ADAMTS14: variants seen among roughly 807,000 people sequenced by gnomAD.
ADAMTS14 encodes the protein ADAM metallopeptidase with thrombospondin type 1 motif 14.
In ADAMTS14, 100 loss-of-function variants were observed where a neutral mutation model predicts 128.6. That is an observed-to-expected ratio of 0.78 (90% confidence interval 0.66 to 0.92). The LOEUF (loss-of-function observed/expected upper bound fraction) is 0.92. Among genes scored for constraint, ADAMTS14 ranks in the 40% least tolerant of loss-of-function variants. The pLI, the probability that ADAMTS14 is intolerant of heterozygous loss-of-function variation, is 0.00. For synonymous variants in ADAMTS14, 665 were observed against 653.8 expected (o/e 1.02, Z -0.26); for missense variants, 1,562 against 1,658.6 (o/e 0.94, Z 1.01).
At chr10:70,729,962 G>A in intron 5 of ADAMTS14, 140 bp from the exon 6 acceptor site, 1 of 976,486 alleles carries the variant, frequency 1.0e-6, no homozygotes, top group Non-Finnish European at 1.5e-6. Context: ...CAGTTGAGTG[G>A]GGACAGCTGG....
At chr10:70,757,646 A>G (rs1053795923) in intron 19 of ADAMTS14, among the ~76,000 whole-genome samples, 2 of 152,194 alleles carry the variant, frequency 1.3e-5, no homozygotes, top group African/African-American at 4.8e-5. Flanking sequence ...GTAGTAGGGA[A>G]TGGGGTCCCA....
At chr10:70,683,822 C>T (rs891869452) in intron 2 of ADAMTS14, among the ~76,000 whole-genome samples, 7 of 152,064 alleles carry the variant, frequency 4.6e-5, no homozygotes, top group East Asian at 1.9e-4. Flanking sequence ...GTAGGCCGCG[C>T]GGCCTCAGTT....
At chr10:70,725,872 C>A (rs372385257) in intron 4 of ADAMTS14, among the ~76,000 whole-genome samples, 1 of 152,116 alleles carries the variant, frequency 6.6e-6, no homozygotes, top group African/African-American at 2.4e-5. Context: ...GGGCCCACAA[C>A]CTTCTTGGTC....
chr10:70,717,245 C>T lies in ADAMTS14; in HGVS notation c.870+8467C>T, dbSNP rs948340853. ...GGAACCACTGAGAATGGTACCAGTA[C>T]CAAGGAGCTTAGAGGGGGTGCTGTC... On this transcript the variant is annotated intron_variant, in intron 4 of 21. Transcript: ENST00000373207. Among the ~76,000 whole-genome samples the T allele has an allele frequency of 5.3e-5, 8 of 152,096 alleles. No individual in the cohort carries two copies. The East Asian group carries it at 1.5e-3, about 29-fold the overall frequency.
intron 2 of ADAMTS14, among the ~76,000 whole-genome samples, chr10:70,680,335 G>A (rs1839766095): frequency 6.6e-6 from 1 of 152,152 alleles, no homozygotes. Flanking sequence ...AACCCGGGAG[G>A]TGGAGGTTGC....
At position 70,735,317 on chromosome 10, in the gene ADAMTS14, G is replaced by A; in HGVS notation, c.1485+16G>A. On this transcript the variant is annotated intron_variant, in intron 9 of 21. Transcript: ENST00000373207. ...CTGCTTGGCAGTAAGTAGCCATCTGGCCTCTGCCAGGTGGTTGGGGGCCAG... is the reference window on the plus strand; with the variant it reads ...CTGCTTGGCAGTAAGTAGCCATCTGACCTCTGCCAGGTGGTTGGGGGCCAG... The A allele has an allele frequency of 6.2e-7, 1 of 1,612,874 alleles. No individual in the cohort carries two copies.
chr10:70,710,851 C>T (rs1840831948), intron 4 of ADAMTS14, among the ~76,000 whole-genome samples: 1 of 152,196 alleles, frequency 6.6e-6, no homozygotes, highest in Non-Finnish European at 1.5e-5. Context: ...ACTGGTCATG[C>T]ATTTCTGGGA....
At chr10:70,752,055 C>T (rs909182164) in intron 17 of ADAMTS14, 40 bp from the exon 18 acceptor site, 10 of 1,582,062 alleles carry the variant, frequency 6.3e-6, no homozygotes, top group East Asian at 2.2e-5. Flanking sequence ...AATGGGGGGC[C>T]TGGCTGGACT....
chr10:70,754,632 G>A (rs1171147321), intron 19 of ADAMTS14, among the ~76,000 whole-genome samples: 1 of 152,188 alleles, frequency 6.6e-6, no homozygotes, highest in East Asian at 1.9e-4. Flanking sequence ...GGAGCTGACT[G>A]GGAGGGATAG....
At chr10:70,709,424 GT>G (rs112292093) in intron 4 of ADAMTS14, among the ~76,000 whole-genome samples, 127 of 147,250 alleles carry the variant, frequency 8.6e-4, no homozygotes, top group African/African-American at 3.0e-3. Flanking sequence ...CAGAAATGTA[GT>G]TTTTTTTTAA....
chr10:70,744,562 C>T (rs186779960), intron 14 of ADAMTS14, among the ~76,000 whole-genome samples: 3 of 152,286 alleles, frequency 2.0e-5, no homozygotes, highest in African/African-American at 7.2e-5. Flanking sequence ...CTCTCTCCTT[C>T]CTTATTTTTT....
chr10:70,709,502 T>TTTTG (rs1489182018), intron 4 of ADAMTS14, among the ~76,000 whole-genome samples: 1 of 84,940 alleles, frequency 1.2e-5, no homozygotes, highest in Non-Finnish European at 3.2e-5. Context: ...CCAGTTTTTT[T>TTTTG]TTTTTTTTTT....
At chr10:70,752,808 G>A (rs1842387372) in intron 18 of ADAMTS14, among the ~76,000 whole-genome samples, 1 of 152,172 alleles carries the variant, frequency 6.6e-6, no homozygotes, top group South Asian at 2.1e-4. Flanking sequence ...TGGGCTGGGG[G>A]AGCCCCAGGG....
chr10:70,745,270 CAGATTGAGG>C lies in ADAMTS14; in HGVS notation c.2228_2236del (p.Gln743_Ala746delinsPro). On this transcript the variant is annotated inframe_deletion, in exon 15 of 22. Coordinates refer to ENST00000373207, the MANE Select transcript of ADAMTS14 (RefSeq NM_080722.4). ...GATCCCAGCAGGTGCCAGGCACATCCAGATTGAGGCACTGGAGAAGTCCCCCCACCGCAT... is the reference window on the plus strand; with the variant it reads ...GATCCCAGCAGGTGCCAGGCACATCCCACTGGAGAAGTCCCCCCACCGCAT... 6.2e-7 allele frequency: 1 copy of C among 1,612,656 alleles called. No homozygotes were observed. Among genetic ancestry groups the C allele is most frequent in the Non-Finnish European group, 8.5e-7 (1 of 1,180,004 alleles).
chr10:70,758,330 G>T, intron 21 of ADAMTS14, 45 bp downstream of exon 21: 1 of 1,547,350 alleles, frequency 6.5e-7, no homozygotes, highest in South Asian at 1.2e-5. Flanking sequence ...AGACCTTTCA[G>T]TGGCCCTGGT....
rs554977018 is a variant in ADAMTS14 at position 70,716,215 on chromosome 10, A to G, written c.870+7437A>G. ...GTAATGATCTTCCCAGAGGTTCTGG[A>G]AGGCCGCTAGAGGCTAGGTCTTCTG... On this transcript the variant is annotated intron_variant, in intron 4 of 21. Coordinates refer to ENST00000373207, the MANE Select transcript of ADAMTS14 (RefSeq NM_080722.4). 4.6e-5 allele frequency among the ~76,000 whole-genome samples: 7 copies of G among 152,284 alleles called. No homozygotes were observed. In the South Asian group the frequency reaches 1.5e-3, roughly 32 times the overall value.
chr10:70,760,932 C>T lies in ADAMTS14; in HGVS notation c.*79C>T, dbSNP rs2132767743. The T allele has an allele frequency of 6.8e-7, 1 of 1,476,968 alleles. No homozygotes were observed. Among genetic ancestry groups the T allele is most frequent in the Non-Finnish European group, 9.0e-7 (1 of 1,113,492 alleles). 91.5% of individuals were successfully genotyped at this position (1,476,968 alleles called of 1,614,324 possible). A position where few individuals can be genotyped will look rare whatever the true frequency, so the allele number is the denominator to read the frequency against. On this transcript the variant is annotated 3_prime_UTR_variant, in exon 22 of 22. Coordinates refer to ENST00000373207, the MANE Select transcript of ADAMTS14 (RefSeq NM_080722.4). ...CTCCCAGCTCAGAGGACACACATAG[C>T]AGGGCAGGCGCAAGCACAGACTTCA...
intron 4 of ADAMTS14, among the ~76,000 whole-genome samples, chr10:70,717,508 G>A (rs577079706): frequency 6.6e-6 from 1 of 152,252 alleles, no homozygotes; most frequent in Non-Finnish European, 1.5e-5. Context: ...GCAGCAGTAT[G>A]GACTGTGGCG....
chr10:70,705,589 C>G (rs1840640401), intron 3 of ADAMTS14, among the ~76,000 whole-genome samples: 1 of 152,284 alleles, frequency 6.6e-6, no homozygotes, highest in African/African-American at 2.4e-5. Flanking sequence ...GTTGTAGTCA[C>G]TCCTGTTTCC....
Sources: gnomAD v4.1 joint callset for allele counts (sites outside exome capture counted in the v4.1 genomes callset) on GRCh38, gnomAD v4.1.1 for gene constraint, MANE v1.5 for transcripts, NCBI Gene and HGNC (gene_info 2026-07-23, HGNC 2026-07-21) for gene names.